TRPS1: variants seen among roughly 807,000 people sequenced by gnomAD.
TRPS1 encodes the protein transcriptional repressor GATA binding 1.
A neutral mutation model predicts 101.2 loss-of-function variants in TRPS1; 6 were observed. That is an observed-to-expected ratio of 0.06 (90% CI 0.03 to 0.12). The LOEUF is 0.12. Ranked by LOEUF, TRPS1 falls within the 10% of genes least tolerant of loss-of-function variation. The pLI is 1.00. For missense variants in TRPS1, 1,363 were observed against 1,567.0 expected (o/e 0.87, Z 2.20); for synonymous variants, 578 against 589.8 (o/e 0.98, Z 0.29).
At chr8:115,480,772 C>G (rs577756630) in intron 5 of TRPS1, among the ~76,000 whole-genome samples, 2 of 151,996 alleles carry the variant, frequency 1.3e-5, no homozygotes, top group African/African-American at 4.8e-5. Flanking sequence ...AATGATAATA[C>G]TTGAATTGAT....
At position 115,604,067 on chromosome 8, in the gene TRPS1, G is replaced by C. The variant is rs770442142; in HGVS notation, c.1902C>G (p.Phe634Leu). The C allele has an allele frequency of 2.5e-6, 4 of 1,613,918 alleles. No homozygotes were observed. In the Admixed American group the frequency reaches 6.7e-5, roughly 27 times the overall value. Residue 634 changes from phenylalanine (F) to leucine (L), a missense_variant, in exon 4 of 7, where the codon TTC becomes TTG. This residue lies in a region of TRPS1 where 1,020 missense variants were observed against 1,073.0 expected (regional missense o/e 0.95). Coordinates refer to ENST00000395715, the MANE Select transcript of TRPS1 (RefSeq NM_014112.5). This position sits in a 1 kb window ranked among gnomAD's most constrained non-coding sequence, Gnocchi z 4.1. ...GGAGTACATCTACGTCAGGGGTGGT[G>C]AATGAACACTGATGGCACTGATGTT... ...RVKHQCHQCS[F>L]TTPDVDVLLF...
chr8:115,516,507 C>T (rs957124294), intron 5 of TRPS1, among the ~76,000 whole-genome samples: 3 of 151,482 alleles, frequency 2.0e-5, no homozygotes, highest in South Asian at 2.1e-4. Flanking sequence ...AGTTTGGATA[C>T]GGATGATACA....
chr8:115,447,576 T>C (rs965059664), intron 5 of TRPS1, among the ~76,000 whole-genome samples: 2 of 152,142 alleles, frequency 1.3e-5, no homozygotes, highest in Non-Finnish European at 2.9e-5. Context: ...CAAATCCAGT[T>C]GGTATTCCTA....
intron 5 of TRPS1, among the ~76,000 whole-genome samples, chr8:115,583,881 C>G (rs919523854): frequency 1.4e-4 from 21 of 151,720 alleles, no homozygotes; most frequent in Non-Finnish European, 2.7e-4. Context: ...AAACTAAAAG[C>G]CAAACACTGA....
chr8:115,475,294 A>ATATG (rs1814576261), intron 5 of TRPS1, among the ~76,000 whole-genome samples: 1 of 108,036 alleles, frequency 9.3e-6, no homozygotes, highest in Non-Finnish European at 2.1e-5. Flanking sequence ...ATATATATAT[A>ATATG]TATATATATA....
intron 5 of TRPS1, among the ~76,000 whole-genome samples, chr8:115,470,047 T>C (rs992482390): frequency 6.6e-6 from 1 of 152,222 alleles, no homozygotes; most frequent in Non-Finnish European, 1.5e-5. Flanking sequence ...GACAGGGTTT[T>C]AAAGGACAAT....
chr8:115,653,842 ACCT>A (rs1811619472), intron 1 of TRPS1, among the ~76,000 whole-genome samples: 1 of 151,974 alleles, frequency 6.6e-6, no homozygotes, highest in African/African-American at 2.4e-5. Context: ...GGCCTGACAC[ACCT>A]CCTCCTCCAC....
intron 5 of TRPS1, among the ~76,000 whole-genome samples, chr8:115,455,762 T>G (rs773143863): frequency 1.7e-4 from 25 of 146,166 alleles, no homozygotes; most frequent in Non-Finnish European, 2.7e-4. Flanking sequence ...TCTTTTTCTT[T>G]CTTTCTTTCT....
intron 5 of TRPS1, among the ~76,000 whole-genome samples, chr8:115,520,749 T>C (rs956427097): frequency 4.0e-5 from 6 of 151,608 alleles, no homozygotes; most frequent in African/African-American, 1.2e-4. Flanking sequence ...GTGAAGTACA[T>C]GTTAATTTTC....
At chr8:115,654,377 A>G (rs2130615994) in intron 1 of TRPS1, among the ~76,000 whole-genome samples, 1 of 152,280 alleles carries the variant, frequency 6.6e-6, no homozygotes, top group African/African-American at 2.4e-5. Context: ...TTTTTCTTTC[A>G]TTAGTTTTTT....
At position 115,413,075 on chromosome 8, in the gene TRPS1, A is replaced by T. The variant is rs1812826584; in HGVS notation, c.*948T>A. The T allele has an allele frequency of 6.6e-6, 1 of 152,346 alleles. No individual in the cohort carries two copies. The highest frequency in any genetic ancestry group is 1.5e-5 in the Non-Finnish European group (1 of 68,012). The allele number at this position is 152,346 out of a possible 1,614,324, so 9.4% of individuals were successfully genotyped here. A position where few individuals can be genotyped will look rare whatever the true frequency, so the allele number is the denominator to read the frequency against. On this transcript the variant is annotated 3_prime_UTR_variant, in exon 7 of 7. Coordinates refer to ENST00000395715, the MANE Select transcript of TRPS1 (RefSeq NM_014112.5). ...AAATGCCATGTGTTCTAAACAAATT[A>T]AACCCACGGTCTGACATTTGTATCC...
intron 5 of TRPS1, among the ~76,000 whole-genome samples, chr8:115,422,335 C>G (rs1448269327): frequency 6.6e-6 from 1 of 151,328 alleles, no homozygotes; most frequent in Non-Finnish European, 1.5e-5. Context: ...AAGACACATT[C>G]AAGAAAATTC....
chr8:115,427,542 G>A (rs1178034296), intron 5 of TRPS1, among the ~76,000 whole-genome samples: 1 of 152,028 alleles, frequency 6.6e-6, no homozygotes, highest in Non-Finnish European at 1.5e-5. Flanking sequence ...TGCAACTGCT[G>A]AATAGTAGGG....
chr8:115,457,945 T>C (rs1289690908), intron 5 of TRPS1, among the ~76,000 whole-genome samples: 6 of 152,060 alleles, frequency 3.9e-5, no homozygotes, highest in Admixed American at 3.9e-4. Flanking sequence ...CTGCAGGAAG[T>C]GTGGAATATA....
intron 1 of TRPS1, among the ~76,000 whole-genome samples, chr8:115,652,444 C>T (rs1489437621): frequency 2.0e-5 from 3 of 152,194 alleles, no homozygotes; most frequent in Admixed American, 6.5e-5. Context: ...GACTTAAAAA[C>T]ATTCTAATTA....
chr8:115,455,007 C>T (rs1813980990), intron 5 of TRPS1, among the ~76,000 whole-genome samples: 2 of 152,208 alleles, frequency 1.3e-5, no homozygotes, highest in Non-Finnish European at 2.9e-5. Flanking sequence ...AACACCCTCA[C>T]TTGCTGCCCA....
At chr8:115,645,458 T>C (rs1418292410) in intron 1 of TRPS1, among the ~76,000 whole-genome samples, 3 of 152,124 alleles carry the variant, frequency 2.0e-5, no homozygotes, top group Non-Finnish European at 4.4e-5. Flanking sequence ...TTCTAAAATA[T>C]CCAGTGAGAA....
At chr8:115,577,396 T>C (rs1157171722) in intron 5 of TRPS1, among the ~76,000 whole-genome samples, 1 of 152,100 alleles carries the variant, frequency 6.6e-6, no homozygotes, top group Non-Finnish European at 1.5e-5. Flanking sequence ...AGCATATAGG[T>C]AGCACAAATG....
intron 5 of TRPS1, among the ~76,000 whole-genome samples, chr8:115,541,754 A>G (rs900271459): frequency 2.0e-5 from 3 of 152,224 alleles, no homozygotes; most frequent in Admixed American, 2.0e-4. Context: ...TGTATTTTAA[A>G]GGACCACATT....
Sources: gnomAD v4.1 joint callset for allele counts (sites outside exome capture counted in the v4.1 genomes callset) on GRCh38, gnomAD v4.1.1 for gene constraint, gnomAD v4.1.1 regional missense constraint, Gnocchi (gnomAD v3.1) non-coding constraint, MANE v1.5 for transcripts, NCBI Gene and HGNC (gene_info 2026-07-23, HGNC 2026-07-21) for gene names.